Variants in CSMD1 observed in about 807,000 individuals in gnomAD.
CSMD1 encodes the protein CUB and Sushi multiple domains 1.
In CSMD1, 213 loss-of-function variants were observed where a neutral mutation model predicts 417.5. The observed-to-expected ratio is 0.51, with a 90% CI of 0.46 to 0.57. The LOEUF (loss-of-function observed/expected upper bound fraction) is 0.57, where lower values mean the gene tolerates loss of function less well. Ranked by LOEUF, CSMD1 falls within the 20% of genes least tolerant of loss-of-function variation. The pLI is 0.00. For missense variants in CSMD1, 6,923 were observed against 4,529.7 expected (o/e 1.53, Z -15.17); for synonymous variants, 2,862 against 1,736.8 (o/e 1.65, Z -16.11).
At chr8:3,633,284 G>T (rs1482211) in intron 7 of CSMD1, among the ~76,000 whole-genome samples, 61,039 of 152,016 alleles carry the variant, frequency 0.4, 12,458 homozygotes, top group Middle Eastern at 0.58. Context: ...AAAATTATGT[G>T]GAAAATGCAT....
chr8:4,074,894 G>C (rs1242778735), intron 3 of CSMD1, among the ~76,000 whole-genome samples: 1 of 151,962 alleles, frequency 6.6e-6, no homozygotes, highest in Non-Finnish European at 1.5e-5. Context: ...ACTTCCACGT[G>C]GCAGAAGTAG....
At chr8:3,564,113 A>C (rs1315180832) in intron 10 of CSMD1, among the ~76,000 whole-genome samples, 2 of 152,200 alleles carry the variant, frequency 1.3e-5, no homozygotes, top group African/African-American at 2.4e-5. Context: ...AGGAATACTC[A>C]TCACTTCAAA....
At chr8:3,882,666 G>A (rs904146513) in intron 5 of CSMD1, among the ~76,000 whole-genome samples, 8 of 152,072 alleles carry the variant, frequency 5.3e-5, no homozygotes, top group Non-Finnish European at 8.8e-5. Flanking sequence ...GTTGTGGTAT[G>A]TTCACAAAAC....
At chr8:4,003,410 A>AC (rs1286569645) in intron 4 of CSMD1, among the ~76,000 whole-genome samples, 9 of 118,214 alleles carry the variant, frequency 7.6e-5, no homozygotes, top group Admixed American at 3.8e-4. Context: ...AAACAAACAA[A>AC]AAAACAAACA....
intron 11 of CSMD1, among the ~76,000 whole-genome samples, chr8:3,477,962 C>T (rs555745385): frequency 6.6e-6 from 1 of 152,110 alleles, no homozygotes; most frequent in Admixed American, 6.5e-5. Flanking sequence ...CAAGGGAGTG[C>T]TTTCATTGAA....
At chr8:4,433,290 G>A (rs1487346612) in intron 2 of CSMD1, among the ~76,000 whole-genome samples, 1 of 152,142 alleles carries the variant, frequency 6.6e-6, no homozygotes, top group Non-Finnish European at 1.5e-5. Flanking sequence ...ACCCTGGTCC[G>A]TAGAAAAACT....
chr8:4,295,093 CACACATATAATCTTAAG>C (rs1797587311), intron 3 of CSMD1, among the ~76,000 whole-genome samples: 1 of 95,466 alleles, frequency 1.0e-5, no homozygotes, highest in African/African-American at 3.0e-5. Flanking sequence ...CTTAAGATTA[CACACATATAATCTTAAG>C]ATTACACACA....
chr8:3,323,695 A>G (rs538958105), intron 23 of CSMD1, among the ~76,000 whole-genome samples: 32 of 152,344 alleles, frequency 2.1e-4, no homozygotes, highest in African/African-American at 7.2e-4. Context: ...GCAGGTAAGT[A>G]GCAGAGCCAA....
intron 1 of CSMD1, among the ~76,000 whole-genome samples, chr8:4,781,125 G>A (rs1258751937): frequency 1.3e-5 from 2 of 152,140 alleles, no homozygotes; most frequent in Non-Finnish European, 2.9e-5. Context: ...TCTTTCGAGT[G>A]CAGGTGTCAC....
intron 2 of CSMD1, among the ~76,000 whole-genome samples, chr8:4,562,844 T>G (rs1798410723): frequency 6.6e-6 from 1 of 152,128 alleles, no homozygotes; most frequent in South Asian, 2.1e-4. Context: ...CAGGAAGAAT[T>G]CAAATGCCTC....
At chr8:4,211,470 AG>A (rs1236104564) in intron 3 of CSMD1, among the ~76,000 whole-genome samples, 1 of 152,216 alleles carries the variant, frequency 6.6e-6, no homozygotes, top group Non-Finnish European at 1.5e-5. Context: ...AGAAGATTTT[AG>A]CTCATTTTGA....
At chr8:3,076,006 G>C (rs62488402) in intron 49 of CSMD1, among the ~76,000 whole-genome samples, 6 of 150,826 alleles carry the variant, frequency 4.0e-5, no homozygotes, top group South Asian at 2.1e-4. Flanking sequence ...AGCCGAGATC[G>C]CGCCACTGCA....
chr8:4,457,011 G>T (rs897483302), intron 2 of CSMD1, among the ~76,000 whole-genome samples: 8 of 145,214 alleles, frequency 5.5e-5, no homozygotes, highest in Non-Finnish European at 1.2e-4. Context: ...AACAAGAAAA[G>T]AAAATCAATG....
intron 5 of CSMD1, among the ~76,000 whole-genome samples, chr8:3,971,247 C>G (rs1336126071): frequency 1.3e-5 from 2 of 152,166 alleles, no homozygotes; most frequent in African/African-American, 2.4e-5. Flanking sequence ...GCACTTCTGC[C>G]TGAGTTTTTA....
At chr8:3,864,800 G>C (rs185366428) in intron 5 of CSMD1, among the ~76,000 whole-genome samples, 108 of 152,254 alleles carry the variant, frequency 7.1e-4, no homozygotes, top group African/African-American at 2.5e-3. Flanking sequence ...GCTCTTCAGG[G>C]TCTAAAGAGC....
intron 3 of CSMD1, among the ~76,000 whole-genome samples, chr8:4,053,069 G>T (rs755475497): frequency 6.6e-6 from 1 of 152,160 alleles, no homozygotes; most frequent in Non-Finnish European, 1.5e-5. Context: ...GAGGCTGTGT[G>T]CTGAAAGGAT....
intron 25 of CSMD1, among the ~76,000 whole-genome samples, chr8:3,304,237 T>C (rs912482808): frequency 6.6e-6 from 1 of 152,160 alleles, no homozygotes; most frequent in Admixed American, 6.6e-5. Flanking sequence ...TTCATATTTA[T>C]ATGACTGATG....
chr8:4,243,290 T>C (rs1802510014), intron 3 of CSMD1, among the ~76,000 whole-genome samples: 1 of 152,152 alleles, frequency 6.6e-6, no homozygotes, highest in Non-Finnish European at 1.5e-5. Flanking sequence ...TAGGTCTGAA[T>C]TTCATGGTAA....
intron 11 of CSMD1, among the ~76,000 whole-genome samples, chr8:3,490,564 G>T (rs1409702840): frequency 1.3e-5 from 2 of 152,110 alleles, no homozygotes; most frequent in African/African-American, 4.8e-5. Context: ...CGGAGTGTTT[G>T]CATGCATTAT....
Sources: allele counts gnomAD v4.1 joint callset (sites outside exome capture counted in the v4.1 genomes callset), GRCh38; gene constraint gnomAD v4.1.1; transcripts MANE v1.5; gene names NCBI Gene and HGNC (gene_info 2026-07-23, HGNC 2026-07-21).